The following SPON1 variants were observed in gnomAD, a reference collection of about 807,000 sequenced individuals.
SPON1 encodes the protein spondin 1.
Under a neutral mutation model 111.7 loss-of-function variants are expected in SPON1, and 52 were observed. The observed-to-expected ratio is 0.47, with a 90% CI of 0.37 to 0.59. SPON1 has a LOEUF of 0.59. Among genes scored for constraint, SPON1 ranks in the 20% least tolerant of loss-of-function variants. The pLI is 0.00. For missense variants in SPON1, 957 were observed against 1,068.5 expected, an observed-to-expected ratio of 0.90 and a Z score of 1.46; for synonymous variants, 410 against 395.8, an observed-to-expected ratio of 1.04 and a Z score of -0.43.
chr11:14,243,409 A>G lies in SPON1; in HGVS notation c.890+13A>G, dbSNP rs1848951607. Reference sequence around the variant, plus strand: ...AGCCTCTCAACGTGTAAGTAACACAAGTCCCTTGCCTGGCCTGTCTTATCC... The same window carrying G: ...AGCCTCTCAACGTGTAAGTAACACAGGTCCCTTGCCTGGCCTGTCTTATCC... On this transcript the variant is annotated intron_variant, in intron 7 of 15. Transcript: ENST00000576479. The G allele has an allele frequency of 1.9e-6, 3 of 1,562,970 alleles. No individual in the cohort carries two copies. The highest frequency in any genetic ancestry group is 2.6e-6 in the Non-Finnish European group (3 of 1,153,136).
At chr11:14,010,869 C>T (rs1848399210) in intron 2 of SPON1, among the ~76,000 whole-genome samples, 1 of 152,204 alleles carries the variant, frequency 6.6e-6, no homozygotes, top group South Asian at 2.1e-4. Context: ...TGTCTTATTT[C>T]AGCATTTCTG....
rs781999621 is a variant in SPON1, at chr11:14,262,678, T to C, written c.1997-34T>C. The stretch of plus-strand genomic sequence containing the variant: ...GCGTGACCATATCTTGTTTCAGACA[T>C]GTGATACACTCATGCCCATCTGTGT... On this transcript the variant is annotated intron_variant, in intron 14 of 15. Coordinates refer to ENST00000576479, the MANE Select transcript of SPON1 (RefSeq NM_006108.4). The C allele has an allele frequency of 6.8e-6, 11 of 1,612,970 alleles. No individual in the cohort carries two copies. The South Asian group carries it at 7.7e-5, about 11-fold the overall frequency.
chr11:14,059,828 C>T (rs1243344847), intron 3 of SPON1, among the ~76,000 whole-genome samples: 1 of 152,142 alleles, frequency 6.6e-6, no homozygotes. Flanking sequence ...AGGAAAAATC[C>T]CCCTTTCCAC....
At chr11:14,079,644 T>G (rs1313710913) in intron 4 of SPON1, among the ~76,000 whole-genome samples, 1 of 151,982 alleles carries the variant, frequency 6.6e-6, no homozygotes, top group Non-Finnish European at 1.5e-5. Context: ...GAATAGCCTA[T>G]GGGTTATTGC....
At chr11:14,213,623 A>G (rs1848599116) in intron 6 of SPON1, among the ~76,000 whole-genome samples, 1 of 152,206 alleles carries the variant, frequency 6.6e-6, no homozygotes, top group African/African-American at 2.4e-5. Context: ...ACAAAGCTAT[A>G]TGCTATTAAG....
At chr11:14,204,851 A>AT (rs1253699970) in intron 6 of SPON1, among the ~76,000 whole-genome samples, 7 of 151,168 alleles carry the variant, frequency 4.6e-5, no homozygotes, top group East Asian at 2.0e-4. Context: ...CCCCCGGCTA[A>AT]TTTTTTTTGT....
At chr11:14,157,498 A>G (rs1242016526) in intron 6 of SPON1, among the ~76,000 whole-genome samples, 1 of 152,118 alleles carries the variant, frequency 6.6e-6, no homozygotes, top group South Asian at 2.1e-4. Context: ...GTTTTACTAC[A>G]TAGGTAGGCA....
chr11:14,139,992 G>A (rs926676463), intron 6 of SPON1, among the ~76,000 whole-genome samples: 1 of 152,186 alleles, frequency 6.6e-6, no homozygotes, highest in African/African-American at 2.4e-5. Context: ...TGGCACAAAA[G>A]GAGGCTGGAG....
intron 2 of SPON1, among the ~76,000 whole-genome samples, chr11:14,033,741 T>C (rs1296599537): frequency 6.6e-6 from 1 of 152,206 alleles, no homozygotes; most frequent in Non-Finnish European, 1.5e-5. Context: ...CATGACCAGA[T>C]ACCCAACCAG....
intron 2 of SPON1, among the ~76,000 whole-genome samples, chr11:14,009,057 T>A (rs142737705): frequency 2.0e-5 from 3 of 152,302 alleles, no homozygotes; most frequent in African/African-American, 7.2e-5. Context: ...ATTGCTCTGT[T>A]AAGCTGCCTT....
chr11:14,187,550 A>C (rs988518385), intron 6 of SPON1, among the ~76,000 whole-genome samples: 1 of 152,140 alleles, frequency 6.6e-6, no homozygotes, highest in African/African-American at 2.4e-5. Flanking sequence ...TAGCAAGGAC[A>C]TGTCATAGGT....
chr11:13,999,833 A>T (rs1282087520), intron 2 of SPON1, among the ~76,000 whole-genome samples: 1 of 152,162 alleles, frequency 6.6e-6, no homozygotes, highest in African/African-American at 2.4e-5. Context: ...CTTGGACACA[A>T]ACTTTCTCTC....
chr11:14,169,188 G>T (rs1373735864), intron 6 of SPON1, among the ~76,000 whole-genome samples: 5 of 152,146 alleles, frequency 3.3e-5, no homozygotes, highest in African/African-American at 1.2e-4. Flanking sequence ...TTTAATGATT[G>T]CCATTCTAAC....
chr11:14,107,934 G>C (rs10741632), intron 5 of SPON1, among the ~76,000 whole-genome samples: 67,334 of 151,948 alleles, frequency 0.44, 15,023 homozygotes, highest in Admixed American at 0.48. Flanking sequence ...TACTAGAGGG[G>C]CTTATGGAAG....
At position 14,116,663 on chromosome 11, in the gene SPON1, T is replaced by C. The variant is rs145465273; in HGVS notation, c.677-18757T>C. Among the ~76,000 whole-genome samples, 675 of 151,824 alleles carry C rather than the reference T, an allele frequency of 4.4e-3. 6 individuals are homozygous for C. The highest frequency in any genetic ancestry group is 0.015 in the African/African-American group (621 of 41,456). On this transcript the variant is annotated intron_variant, in intron 5 of 15. Transcript: ENST00000576479. ...AGCTTTGATATCTGGGAGTGTTCTC[T>C]GATTTTTTTTCTTCTTCAAGATTAT...
At chr11:14,096,821 G>T (rs1190196329) in intron 5 of SPON1, among the ~76,000 whole-genome samples, 1 of 152,142 alleles carries the variant, frequency 6.6e-6, no homozygotes, top group Non-Finnish European at 1.5e-5. Flanking sequence ...TCTGTTTCCT[G>T]TGGGACTGAG....
intron 6 of SPON1, among the ~76,000 whole-genome samples, chr11:14,195,576 G>T (rs1564928629): frequency 6.6e-6 from 1 of 152,114 alleles, no homozygotes; most frequent in African/African-American, 2.4e-5. Flanking sequence ...CTATACTTGG[G>T]CCTGGAAGCA....
intron 5 of SPON1, among the ~76,000 whole-genome samples, chr11:14,131,401 G>T (rs1428027288): frequency 6.6e-6 from 1 of 152,132 alleles, no homozygotes; most frequent in Non-Finnish European, 1.5e-5. Context: ...AGATGTTTGA[G>T]CCTAGCATCT....
intron 6 of SPON1, among the ~76,000 whole-genome samples, chr11:14,209,347 G>A (rs534616773): frequency 1.1e-4 from 16 of 152,064 alleles, no homozygotes; most frequent in Middle Eastern, 6.8e-3. Flanking sequence ...GTGCCATGGC[G>A]GTTTGCTGCA....
Sources: gnomAD v4.1 joint callset for allele counts (sites outside exome capture counted in the v4.1 genomes callset) on GRCh38, gnomAD v4.1.1 for gene constraint, MANE v1.5 for transcripts, NCBI Gene and HGNC (gene_info 2026-07-23, HGNC 2026-07-21) for gene names.